Variants in RNF6 observed in about 807,000 individuals in gnomAD.
RNF6 encodes the protein ring finger protein 6.
In RNF6, 21 loss-of-function variants were observed where a neutral mutation model predicts 50.1. The ratio of observed to expected loss-of-function variants is 0.42; its 90% CI spans 0.30 to 0.60. The LOEUF (loss-of-function observed/expected upper bound fraction) is 0.60, where lower values mean the gene tolerates loss of function less well. Among genes scored for constraint, RNF6 ranks in the 20% least tolerant of loss-of-function variants. RNF6 has a pLI of 0.20. For synonymous variants in RNF6, 255 were observed against 291.8 expected, an observed-to-expected ratio of 0.87 and a Z score of 1.29; for missense variants, 698 against 838.2, an observed-to-expected ratio of 0.83 and a Z score of 2.07.
At chr13:26,178,205 T>G (rs1298026080) in intron 5 of RNF6, among the ~76,000 whole-genome samples, 2 of 152,042 alleles carry the variant, frequency 1.3e-5, no homozygotes, top group Non-Finnish European at 1.5e-5. Flanking sequence ...TAAAATTAAA[T>G]AAAATCCCTT....
intron 5 of RNF6, among the ~76,000 whole-genome samples, chr13:26,147,030 A>G (rs923699578): frequency 6.6e-6 from 1 of 152,192 alleles, no homozygotes; most frequent in African/African-American, 2.4e-5. Flanking sequence ...TCTTTTCTTC[A>G]TAAATAACCC....
intron 5 of RNF6, among the ~76,000 whole-genome samples, chr13:26,194,641 G>GAT (rs148909951): frequency 0.26 from 38,789 of 151,500 alleles, 5,808 homozygotes; most frequent in East Asian, 0.34. Context: ...GAACTAACAG[G>GAT]ATATATATAT....
intron 5 of RNF6, among the ~76,000 whole-genome samples, chr13:26,142,731 G>A (rs1871023378): frequency 6.6e-6 from 1 of 152,132 alleles, no homozygotes; most frequent in African/African-American, 2.4e-5. Flanking sequence ...AGGAGGGAGG[G>A]ATGGATGGGG....
chr13:26,220,057 T>C (rs956273693), intron 2 of RNF6, among the ~76,000 whole-genome samples: 17 of 152,250 alleles, frequency 1.1e-4, no homozygotes, highest in African/African-American at 4.1e-4. Context: ...ATTATGCACA[T>C]TCTTCACTTA....
intron 5 of RNF6, among the ~76,000 whole-genome samples, chr13:26,163,687 A>G (rs1872319253): frequency 6.6e-6 from 1 of 152,190 alleles, no homozygotes; most frequent in Non-Finnish European, 1.5e-5. Context: ...TGTTCTAGGT[A>G]ATCTGAGATC....
intron 5 of RNF6, among the ~76,000 whole-genome samples, chr13:26,188,280 G>A (rs1023472688): frequency 6.6e-6 from 1 of 152,132 alleles, no homozygotes. Context: ...TGGCAAGGGA[G>A]GCAATTATAA....
chr13:26,136,131 AG>A (rs754970832), intron 5 of RNF6, among the ~76,000 whole-genome samples: 4 of 152,216 alleles, frequency 2.6e-5, no homozygotes, highest in Non-Finnish European at 5.9e-5. Flanking sequence ...CAAAATTAAA[AG>A]GACTACAAAC....
chr13:26,214,359 C>G lies in RNF6; in HGVS notation c.1523G>C (p.Arg508Thr), dbSNP rs192955807. The change falls in exon 5 of 5, where the codon AGA becomes ACA. Residue 508 changes from arginine (R) to threonine (T), a missense_variant. By Grantham distance (71) the Arg-to-Thr change is moderately conservative. Coordinates refer to ENST00000381588, the MANE Select transcript of RNF6 (RefSeq NM_005977.4). The part of the protein sequence containing the change: ...MEADSESELQ[R>T]NGQHLPDMHS... ...CATGTCTGGTAAATGCTGGCCATTT[C>G]TTTGAAGTTCTGACTCAGAATCGGC... The G allele has an allele frequency of 1.0e-4, 166 of 1,614,124 alleles. 2 individuals are homozygous for G. The East Asian group carries it at 3.1e-3, about 30-fold the overall frequency.
intron 5 of RNF6, chr13:26,135,713 C>T (rs551041113): frequency 1.9e-4 from 29 of 152,302 alleles, no homozygotes; most frequent in African/African-American, 6.5e-4. Flanking sequence ...CCAAATCTCA[C>T]GTAGGACTGT....
intron 5 of RNF6, among the ~76,000 whole-genome samples, chr13:26,188,161 C>T (rs896264769): frequency 6.6e-6 from 1 of 152,190 alleles, no homozygotes; most frequent in Non-Finnish European, 1.5e-5. Context: ...TGGAGACTTT[C>T]AGATTGATGC....
At chr13:26,186,509 C>G (rs1873540433) in intron 5 of RNF6, among the ~76,000 whole-genome samples, 1 of 152,206 alleles carries the variant, frequency 6.6e-6, no homozygotes, top group Non-Finnish European at 1.5e-5. Flanking sequence ...CGCTTCGGAG[C>G]AGGTCTGTTA....
downstream of RNF6, chr13:26,212,664 C>T (rs550042527): frequency 6.0e-5 from 9 of 150,364 alleles, no homozygotes; most frequent in Non-Finnish European, 1.3e-4. Context: ...TTTTGTCTGT[C>T]GTCTGGGAAA....
intron 5 of RNF6, among the ~76,000 whole-genome samples, chr13:26,153,275 G>A (rs1330999776): frequency 2.0e-5 from 3 of 151,948 alleles, no homozygotes; most frequent in Admixed American, 2.0e-4. Context: ...GTGCAGTGGA[G>A]TAATCTCAGC....
intron 5 of RNF6, among the ~76,000 whole-genome samples, chr13:26,167,394 C>T (rs2137624011): frequency 6.6e-6 from 1 of 152,146 alleles, no homozygotes; most frequent in South Asian, 2.1e-4. Context: ...GGTCAAAGGA[C>T]ATGAATAGAT....
intron 5 of RNF6, among the ~76,000 whole-genome samples, chr13:26,167,192 A>C (rs1872493475): frequency 6.6e-6 from 1 of 152,236 alleles, no homozygotes; most frequent in East Asian, 1.9e-4. Context: ...ACAAAAGCAA[A>C]AATTGACTAA....
intron 5 of RNF6, among the ~76,000 whole-genome samples, chr13:26,135,809 T>C (rs368477263): frequency 2.9e-4 from 44 of 152,098 alleles, no homozygotes; most frequent in African/African-American, 1.0e-3. Context: ...GCTGTCCTTA[T>C]AGTGATGAGT....
chr13:26,182,551 G>A (rs1246718557), intron 5 of RNF6, among the ~76,000 whole-genome samples: 1 of 151,954 alleles, frequency 6.6e-6, no homozygotes, highest in African/African-American at 2.4e-5. Context: ...GCGGGCTTAT[G>A]CCTGTAATCC....
chr13:26,196,216 A>T lies in RNF6; in HGVS notation n.768+19258T>A, dbSNP rs539850764. 7.9e-5 allele frequency among the ~76,000 whole-genome samples: 12 copies of T among 152,354 alleles called. No homozygotes were observed. In the South Asian group the frequency reaches 2.3e-3, roughly 29 times the overall value. ...ACAAGAGAAAAAAGTTATCACAAAC[A>T]TACACTGCTTCTCATCACAAACAAT... On this transcript the variant is annotated intron_variant and non_coding_transcript_variant, in intron 5 of 5. Coordinates refer to the RNF6 transcript ENST00000468480.
chr13:26,221,971 T>C (rs557290011), intron 1 of RNF6, 32 bp downstream of exon 1: 4 of 152,494 alleles, frequency 2.6e-5, no homozygotes, highest in Admixed American at 2.0e-4. Flanking sequence ...CAGGAAGTAG[T>C]GGTGGGACCC....
Sources: allele counts gnomAD v4.1 joint callset (sites outside exome capture counted in the v4.1 genomes callset), GRCh38; gene constraint gnomAD v4.1.1; transcripts MANE v1.5; gene names NCBI Gene and HGNC (gene_info 2026-07-23, HGNC 2026-07-21).